Variants in PINX1 observed in about 807,000 individuals in gnomAD.
PINX1 encodes PIN2 (TERF1) interacting telomerase inhibitor 1, also known as PIN2/TERF1-interacting telomerase inhibitor 1.
A neutral mutation model predicts 25.4 loss-of-function variants in PINX1; 34 were observed. The ratio of observed to expected loss-of-function variants is 1.34; its 90% CI spans 1.02 to 1.78. PINX1 has a LOEUF of 1.78. Among genes scored for constraint, PINX1 ranks in the 40% most tolerant of loss-of-function variants. PINX1 has a pLI of 0.00. For missense variants in PINX1, 592 were observed against 404.9 expected (o/e 1.46, Z -3.97); for synonymous variants, 197 against 147.7 (o/e 1.33, Z -2.42).
chr8:10,814,952 T>C (rs1310514391), intron 6 of PINX1, among the ~76,000 whole-genome samples: 5 of 152,148 alleles, frequency 3.3e-5, no homozygotes, highest in African/African-American at 1.2e-4. Context: ...TTTTCTTCGT[T>C]TTTTTGAGAC....
chr8:10,816,801 C>T (rs759608313), intron 6 of PINX1, among the ~76,000 whole-genome samples: 4 of 150,288 alleles, frequency 2.7e-5, no homozygotes, highest in African/African-American at 7.4e-5. Flanking sequence ...GCTGTATTAT[C>T]GGAGAAAGGC....
chr8:10,827,503 A>G (rs531587869), intron 4 of PINX1, among the ~76,000 whole-genome samples: 3 of 152,220 alleles, frequency 2.0e-5, no homozygotes, highest in South Asian at 4.1e-4. Context: ...TCTCACCTGT[A>G]TCTGCTTGTC....
intron 6 of PINX1, among the ~76,000 whole-genome samples, chr8:10,781,812 T>C (rs745906474): frequency 4.6e-5 from 7 of 152,300 alleles, no homozygotes; most frequent in East Asian, 1.9e-4. Flanking sequence ...AATTACTGTA[T>C]AGCCCAGCAA....
chr8:10,831,727 T>C lies in PINX1; in HGVS notation c.239A>G (p.His80Arg), dbSNP rs1369145977. 6.3e-7 allele frequency: 1 copy of C among 1,593,852 alleles called. No individual in the cohort carries two copies. The highest frequency in any genetic ancestry group is 8.6e-7 in the Non-Finnish European group (1 of 1,167,534). The change falls in exon 4 of 7, where the codon CAT becomes CGT. Residue 80 changes from histidine (H) to arginine (R), a missense_variant. By Grantham distance (29) the His-to-Arg change is conservative (BLOSUM62 0). Transcript: ENST00000314787. ...TINNEDNWIA[H>R]QDDFNQLLAE... ...CAGAAGCTGGTTAAAATCATCCTGA[T>C]GGGCAATCCAGTTGTCCTGAAAATA...
intron 1 of PINX1, among the ~76,000 whole-genome samples, chr8:10,838,203 A>G (rs1281085844): frequency 6.6e-6 from 1 of 152,236 alleles, no homozygotes; most frequent in Non-Finnish European, 1.5e-5. Flanking sequence ...AACTCTGTAT[A>G]ATTTGTCTAA....
rs1385463657 is a variant in PINX1, at chr8:10,765,589, C to G, written c.799G>C (p.Asp267His). Reference sequence around the variant, plus strand: ...TGAGCAGAGGCCTTGGAACTCTGGTCCCAGCAGGGGCCTCTGAGCTGCTCT... The same window carrying G: ...TGAGCAGAGGCCTTGGAACTCTGGTGCCAGCAGGGGCCTCTGAGCTGCTCT... ...AEEQLRGPCW[D>H]QSSKASAQDA... The change falls in exon 7 of 7, where the codon GAC becomes CAC. Residue 267 changes from aspartate to histidine, a missense_variant. Physicochemically the swap from Asp to His is moderately conservative, Grantham distance 81. Coordinates refer to ENST00000314787, the MANE Select transcript of PINX1 (RefSeq NM_017884.6). The G allele has an allele frequency of 6.2e-7, 1 of 1,613,598 alleles. No homozygotes were observed. Among genetic ancestry groups the G allele is most frequent in the Non-Finnish European group, 8.5e-7 (1 of 1,179,872 alleles).
At chr8:10,827,210 G>C (rs918999736) in intron 4 of PINX1, among the ~76,000 whole-genome samples, 1 of 152,150 alleles carries the variant, frequency 6.6e-6, no homozygotes, top group African/African-American at 2.4e-5. Flanking sequence ...AGTAAATAAA[G>C]GTAAGACAGG....
At chr8:10,796,370 C>A (rs1802084868) in intron 6 of PINX1, among the ~76,000 whole-genome samples, 1 of 152,100 alleles carries the variant, frequency 6.6e-6, no homozygotes, top group Non-Finnish European at 1.5e-5. Flanking sequence ...AGTAGAGACA[C>A]CCGCAAGAAT....
chr8:10,798,154 T>C (rs1802149486), intron 6 of PINX1, among the ~76,000 whole-genome samples: 1 of 152,242 alleles, frequency 6.6e-6, no homozygotes, highest in African/African-American at 2.4e-5. Context: ...TGCCTTTGAA[T>C]AAACTGCTCA....
At chr8:10,789,181 G>A (rs965770014) in intron 6 of PINX1, among the ~76,000 whole-genome samples, 102 of 152,182 alleles carry the variant, frequency 6.7e-4, no homozygotes, top group African/African-American at 2.3e-3. Context: ...CAAGGCTGAC[G>A]GTAACTGACC....
intron 6 of PINX1, among the ~76,000 whole-genome samples, chr8:10,781,539 T>A (rs563074533): frequency 1.4e-4 from 21 of 152,308 alleles, no homozygotes; most frequent in African/African-American, 5.1e-4. Context: ...TGGGCAAAGA[T>A]GCTGGACAGG....
rs1800987837 is a variant in PINX1 at position 10,765,134 on chromosome 8, T to C, written c.*267A>G. 1 of 458,412 alleles carries C rather than the reference T, an allele frequency of 2.2e-6. No homozygotes were observed. Among genetic ancestry groups the C allele is most frequent in the Non-Finnish European group, 3.9e-6 (1 of 259,204 alleles). 28.4% of individuals were successfully genotyped at this position (458,412 alleles called of 1,614,324 possible). On this transcript the variant is annotated 3_prime_UTR_variant, in exon 7 of 7. Transcript: ENST00000314787. ...TGAATGCATGTATTTGTAATGATTA[T>C]AATTAAACTCTCTTGCTGAAGGGCT...
intron 6 of PINX1, among the ~76,000 whole-genome samples, chr8:10,790,108 T>G (rs1236993341): frequency 2.0e-5 from 3 of 152,080 alleles, no homozygotes; most frequent in Non-Finnish European, 4.4e-5. Flanking sequence ...CTCTCAGGAC[T>G]CAGGTTCCCT....
In PINX1 at chr8:10,828,588, C is replaced by T. The variant is rs1798127272; in HGVS notation, c.302-2344G>A. Among the ~76,000 whole-genome samples the T allele has an allele frequency of 2.0e-5, 3 of 152,190 alleles. No homozygotes were observed. In the South Asian group the frequency reaches 6.2e-4, roughly 31 times the overall value. ...GCCCTCACAGAGCAGCTCTCTCAGC[C>T]TTGAGAGGGCAGAAGAATCACCTGG... is the stretch of plus-strand genomic sequence containing the variant. On this transcript the variant is annotated intron_variant, in intron 4 of 6. Coordinates refer to ENST00000314787, the MANE Select transcript of PINX1 (RefSeq NM_017884.6).
chr8:10,798,565 G>GA (rs890239184), intron 6 of PINX1, among the ~76,000 whole-genome samples: 4 of 152,138 alleles, frequency 2.6e-5, no homozygotes. Flanking sequence ...GACTCCTGGG[G>GA]AAAAAAAGCC....
chr8:10,772,346 T>C (rs1196559022), intron 6 of PINX1, among the ~76,000 whole-genome samples: 2 of 152,252 alleles, frequency 1.3e-5, no homozygotes, highest in African/African-American at 2.4e-5. Context: ...AAGGCTGAGC[T>C]AGGCAGTGAT....
intron 6 of PINX1, among the ~76,000 whole-genome samples, chr8:10,808,535 A>G: frequency 6.6e-6 from 1 of 152,238 alleles, no homozygotes; most frequent in East Asian, 1.9e-4. Flanking sequence ...TTTAATTCTG[A>G]CAACAGTCCT....
At chr8:10,798,618 G>C (rs532487093) in intron 6 of PINX1, among the ~76,000 whole-genome samples, 44 of 152,330 alleles carry the variant, frequency 2.9e-4, no homozygotes, top group African/African-American at 1.1e-3. Context: ...GTTTAGGAAA[G>C]TCTCTTGGCA....
intron 6 of PINX1, among the ~76,000 whole-genome samples, chr8:10,780,602 A>C (rs1002023358): frequency 6.6e-6 from 1 of 151,960 alleles, no homozygotes; most frequent in Non-Finnish European, 1.5e-5. Context: ...AAACAATCCC[A>C]TTTATGGTAC....
Sources: allele counts gnomAD v4.1 joint callset (sites outside exome capture counted in the v4.1 genomes callset), GRCh38; gene constraint gnomAD v4.1.1; transcripts MANE v1.5; gene names NCBI Gene and HGNC (gene_info 2026-07-23, HGNC 2026-07-21).